The following LINGO1 variants were observed in gnomAD, a reference collection of about 807,000 sequenced individuals.
The protein encoded by LINGO1 is leucine-rich repeat and immunoglobulin-like domain-containing nogo receptor-interacting protein 1.
Under a neutral mutation model 37.3 loss-of-function variants are expected in LINGO1, and 11 were observed. The ratio of observed to expected loss-of-function variants is 0.29; its 90% CI spans 0.19 to 0.49. The LOEUF is 0.49. Among genes scored for constraint, LINGO1 ranks in the 20% least tolerant of loss-of-function variants. The pLI, the probability that LINGO1 is intolerant of heterozygous loss-of-function variation, is 0.99. For missense variants in LINGO1, 585 were observed against 878.2 expected (o/e 0.67, Z 4.22); for synonymous variants, 387 against 403.0 (o/e 0.96, Z 0.48).
intron 3 of LINGO1, among the ~76,000 whole-genome samples, chr15:77,647,219 C>G (rs2074653229): frequency 6.6e-6 from 1 of 152,036 alleles, no homozygotes; most frequent in African/African-American, 2.4e-5. Flanking sequence ...CAGGGTAGCT[C>G]TCGGATCAGG....
At chr15:77,818,839 C>T (rs894747451) in intron 1 of LINGO1, among the ~76,000 whole-genome samples, 1 of 151,716 alleles carries the variant, frequency 6.6e-6, no homozygotes. Flanking sequence ...GGCTGCGCGA[C>T]TGAGGAGCTG....
chr15:77,814,716 T>C (rs2077034323), intron 1 of LINGO1, among the ~76,000 whole-genome samples: 1 of 152,198 alleles, frequency 6.6e-6, no homozygotes, highest in African/African-American at 2.4e-5. Context: ...GAGCCAAGAT[T>C]CAAACCCATT....
At chr15:77,629,491 C>T (rs947607440) in intron 1 of LINGO1, among the ~76,000 whole-genome samples, 1 of 152,180 alleles carries the variant, frequency 6.6e-6, no homozygotes, top group African/African-American at 2.4e-5. Flanking sequence ...TCCCTCTCTT[C>T]CTAAAGCACC....
intron 1 of LINGO1, among the ~76,000 whole-genome samples, chr15:77,776,557 G>GCA (rs1567577951): frequency 1.5e-4 from 22 of 149,968 alleles, no homozygotes; most frequent in South Asian, 2.1e-4. Context: ...AGGGAGGGAG[G>GCA]GAGCTGACTC....
intron 2 of LINGO1, among the ~76,000 whole-genome samples, chr15:77,678,223 C>T (rs553652304): frequency 8.5e-5 from 13 of 152,346 alleles, no homozygotes; most frequent in Middle Eastern, 3.4e-3. Flanking sequence ...CTCTCTAGTG[C>T]ACAGTCTATG....
intron 1 of LINGO1, among the ~76,000 whole-genome samples, chr15:77,746,622 G>T (rs898957454): frequency 6.6e-6 from 1 of 152,084 alleles, no homozygotes; most frequent in African/African-American, 2.4e-5. Context: ...GGCTGGGGGC[G>T]AGGAGCCCTG....
At chr15:77,758,872 G>A (rs947273154) in intron 1 of LINGO1, among the ~76,000 whole-genome samples, 1 of 151,326 alleles carries the variant, frequency 6.6e-6, no homozygotes, top group Admixed American at 6.6e-5. Flanking sequence ...GAAGCGGGGG[G>A]AGGAAAATAG....
At chr15:77,780,353 C>G (rs1289595959) in intron 1 of LINGO1, among the ~76,000 whole-genome samples, 2 of 152,160 alleles carry the variant, frequency 1.3e-5, no homozygotes, top group Non-Finnish European at 2.9e-5. Context: ...CAACACGCAG[C>G]CTAGGCATGG....
At chr15:77,645,267 C>T (rs1306880651) in intron 3 of LINGO1, among the ~76,000 whole-genome samples, 1 of 151,566 alleles carries the variant, frequency 6.6e-6, no homozygotes, top group East Asian at 2.0e-4. Context: ...GGCCAGCCAG[C>T]TTGTAGGGAC....
chr15:77,677,721 C>G (rs570355079), intron 2 of LINGO1, among the ~76,000 whole-genome samples: 1 of 152,132 alleles, frequency 6.6e-6, no homozygotes, highest in African/African-American at 2.4e-5. Context: ...TGGGAACACC[C>G]TCTCAGTGAC....
chr15:77,748,160 G>GACACCA (rs2076333676), intron 1 of LINGO1, among the ~76,000 whole-genome samples: 1 of 152,184 alleles, frequency 6.6e-6, no homozygotes. Flanking sequence ...GGCCCCAGCG[G>GACACCA]GTGTGAACAC....
intron 1 of LINGO1, among the ~76,000 whole-genome samples, chr15:77,797,382 T>C (rs1277641045): frequency 6.6e-6 from 1 of 152,238 alleles, no homozygotes; most frequent in African/African-American, 2.4e-5. Context: ...GTTTTCATTT[T>C]CATAGCTACG....
At chr15:77,689,064 G>A (rs926321947) in intron 2 of LINGO1, among the ~76,000 whole-genome samples, 3 of 152,306 alleles carry the variant, frequency 2.0e-5, no homozygotes, top group South Asian at 4.1e-4. Flanking sequence ...GAAGGGACCT[G>A]AATTGGGCCT....
chr15:77,644,584 G>A (rs553221219), intron 3 of LINGO1, among the ~76,000 whole-genome samples: 1 of 152,340 alleles, frequency 6.6e-6, no homozygotes, highest in Admixed American at 6.5e-5. Context: ...CCCAGGATGT[G>A]GACCCAGAAT....
intron 1 of LINGO1, among the ~76,000 whole-genome samples, chr15:77,811,547 C>T (rs4243051): frequency 0.81 from 122,458 of 151,404 alleles, 49,831 homozygotes; most frequent in Non-Finnish European, 0.86. Context: ...GCTGTGCCTG[C>T]GGCTTGCTGG....
In LINGO1 at chr15:77,624,763, T is replaced by A. The variant is rs111900013; in HGVS notation, c.6+7547A>T. On this transcript the variant is annotated intron_variant, in intron 1 of 1. Coordinates refer to ENST00000355300, the MANE Select transcript of LINGO1 (RefSeq NM_032808.7). ...GACCACTCTGGGCCCTTCCTGCCCC[T>A]TGCACAAGGTTGCCCAGTACCCCCA... is the stretch of plus-strand genomic sequence containing the variant. Among the ~76,000 whole-genome samples the A allele has an allele frequency of 6.5e-3, 985 of 152,102 alleles. 10 individuals are homozygous for A. Among genetic ancestry groups the A allele is most frequent in the Middle Eastern group, 0.024 (7 of 294 alleles).
chr15:77,732,380 G>C (rs2076161650), intron 2 of LINGO1, among the ~76,000 whole-genome samples: 1 of 152,230 alleles, frequency 6.6e-6, no homozygotes, highest in Non-Finnish European at 1.5e-5. Context: ...GTTGTTTAGG[G>C]AACTGGCCTA....
chr15:77,772,856 C>T (rs1180386174), intron 1 of LINGO1, among the ~76,000 whole-genome samples: 5 of 152,108 alleles, frequency 3.3e-5, no homozygotes, highest in Non-Finnish European at 5.9e-5. Context: ...GCTCAGGGGG[C>T]GCGCCTTAGC....
upstream of LINGO1, among the ~76,000 whole-genome samples, chr15:77,636,085 G>C (rs1047197151): frequency 7.9e-5 from 12 of 152,256 alleles, no homozygotes; most frequent in Non-Finnish European, 1.5e-5. Flanking sequence ...CAGATGAGAA[G>C]ACCGAGGCTC....
Sources: gnomAD v4.1 joint callset for allele counts (sites outside exome capture counted in the v4.1 genomes callset) on GRCh38, gnomAD v4.1.1 for gene constraint, MANE v1.5 for transcripts, NCBI Gene and HGNC (gene_info 2026-07-23, HGNC 2026-07-21) for gene names.